The following SFXN1 variants were observed in gnomAD, a reference collection of about 807,000 sequenced individuals.
SFXN1 encodes sideroflexin-1.
A neutral mutation model predicts 39.5 loss-of-function variants in SFXN1; 32 were observed. The observed-to-expected ratio is 0.81, with a 90% CI of 0.61 to 1.09. The LOEUF (loss-of-function observed/expected upper bound fraction) is 1.09. Among genes scored for constraint, SFXN1 ranks in the 50% least tolerant of loss-of-function variants. The probability of loss-of-function intolerance (pLI) is 0.00; values close to 1 mark genes in which losing one functional copy is unlikely to be tolerated. For missense variants in SFXN1, 402 were observed against 407.1 expected, an observed-to-expected ratio of 0.99 and a Z score of 0.11; for synonymous variants, 136 against 146.5, an observed-to-expected ratio of 0.93 and a Z score of 0.52.
intron 4 of SFXN1, 118 bp from the exon 5 acceptor site, chr5:175,511,333 A>G: frequency 3.9e-6 from 3 of 774,064 alleles, no homozygotes; most frequent in Non-Finnish European, 6.5e-6. Context: ...GTTGTTTTGT[A>G]GACTCTTCAT....
At chr5:175,507,183 T>G (rs1180184603) in intron 2 of SFXN1, among the ~76,000 whole-genome samples, 2 of 152,152 alleles carry the variant, frequency 1.3e-5, no homozygotes, top group Non-Finnish European at 2.9e-5. Flanking sequence ...TTGGCCTTCT[T>G]CTGTGTCTGA....
chr5:175,493,717 G>A (rs1488689757), intron 2 of SFXN1, among the ~76,000 whole-genome samples: 1 of 152,172 alleles, frequency 6.6e-6, no homozygotes, highest in Non-Finnish European at 1.5e-5. Flanking sequence ...TGGAGGCAGT[G>A]GTAAAGGACC....
rs370652895 is a variant in SFXN1 at position 175,492,277 on chromosome 5, A to G, written c.164+10A>G. The stretch of plus-strand genomic sequence containing the variant: ...TAGTACATGATTACAGGTAACATTA[A>G]TTATTGTTTTTTGGTTTAATGTATA... On this transcript the variant is annotated intron_variant, in intron 2 of 10. Transcript: ENST00000321442. 3 of 1,598,766 alleles carry G rather than the reference A, an allele frequency of 1.9e-6. No homozygotes were observed. Among genetic ancestry groups the G allele is most frequent in the Non-Finnish European group, 2.6e-6 (3 of 1,174,056 alleles).
At chr5:175,504,767 C>T (rs1049555201) in intron 2 of SFXN1, among the ~76,000 whole-genome samples, 2 of 151,926 alleles carry the variant, frequency 1.3e-5, no homozygotes, top group African/African-American at 4.8e-5. Flanking sequence ...CTTGCTCTGT[C>T]GCCCAGGCTG....
intron 1 of SFXN1, among the ~76,000 whole-genome samples, chr5:175,488,241 C>T (rs1759521320): frequency 6.6e-6 from 1 of 152,182 alleles, no homozygotes; most frequent in Non-Finnish European, 1.5e-5. Context: ...CTCCCATCTC[C>T]CACTTCCTCA....
chr5:175,529,495 A>G lies in SFXN1; in HGVS notation c.*2761A>G, dbSNP rs1021626259. ...TAAGAAAGAACAAATCAAGATTGGCAATCCTTGCCGATCTTTTAGAAATAC... is the reference window on the plus strand; with the variant it reads ...TAAGAAAGAACAAATCAAGATTGGCGATCCTTGCCGATCTTTTAGAAATAC... On this transcript the variant is annotated 3_prime_UTR_variant, in exon 11 of 11. Transcript: ENST00000321442. 3.9e-5 allele frequency: 6 copies of G among 151,930 alleles called. No individual in the cohort carries two copies. Among genetic ancestry groups the G allele is most frequent in the African/African-American group, 9.7e-5 (4 of 41,314 alleles). 9.4% of individuals were successfully genotyped at this position (151,930 alleles called of 1,614,324 possible).
intron 2 of SFXN1, among the ~76,000 whole-genome samples, chr5:175,500,802 A>G (rs747267110): frequency 2.0e-5 from 3 of 152,224 alleles, no homozygotes; most frequent in Non-Finnish European, 4.4e-5. Flanking sequence ...ACAGAAGAGA[A>G]TCCTGAAATA....
At chr5:175,493,608 G>A (rs1448977471) in intron 2 of SFXN1, among the ~76,000 whole-genome samples, 1 of 152,232 alleles carries the variant, frequency 6.6e-6, no homozygotes, top group Non-Finnish European at 1.5e-5. Flanking sequence ...GTAGAAAGCA[G>A]AGAAGTTGAG....
intron 2 of SFXN1, among the ~76,000 whole-genome samples, chr5:175,493,332 C>T (rs1268342703): frequency 6.6e-6 from 1 of 152,096 alleles, no homozygotes; most frequent in Non-Finnish European, 1.5e-5. Flanking sequence ...TTTGCTGACT[C>T]CTGCACTGGG....
Position 175,509,036 on chromosome 5 carries a change from G to A in SFXN1, c.169G>A (p.Gly57Arg). Residue 57 changes from glycine (G) to arginine (R), a missense_variant, in exon 3 of 11, where the codon GGA becomes AGA. Coordinates refer to ENST00000321442, the MANE Select transcript of SFXN1 (RefSeq NM_022754.7). The stretch of plus-strand genomic sequence containing the variant: ...TATTATTTGTTGTTTTCTTAGGCAA[G>A]GAATTGTTCCTCCTGGTCTTACAGA... Reference protein sequence around the residue: ...ARKIVHDYRQGIVPPGLTENE... With the variant: ...ARKIVHDYRQRIVPPGLTENE... The A allele has an allele frequency of 7.5e-6, 12 of 1,603,250 alleles. No individual in the cohort carries two copies. Among genetic ancestry groups the A allele is most frequent in the Non-Finnish European group, 1.0e-5 (12 of 1,174,970 alleles).
chr5:175,504,281 A>G (rs1218819607), intron 2 of SFXN1, among the ~76,000 whole-genome samples: 1 of 151,934 alleles, frequency 6.6e-6, no homozygotes, highest in Non-Finnish European at 1.5e-5. Context: ...TGTAATATGT[A>G]TGAGAATACT....
At chr5:175,508,981 T>C in intron 2 of SFXN1, 51 bp from the exon 3 acceptor site, 3 of 1,540,132 alleles carry the variant, frequency 1.9e-6, no homozygotes, top group Non-Finnish European at 2.6e-6. Flanking sequence ...TCTAGGACAC[T>C]GGGGAGATAT....
chr5:175,487,211 G>C (rs994676239), intron 1 of SFXN1, among the ~76,000 whole-genome samples: 3 of 152,168 alleles, frequency 2.0e-5, no homozygotes, highest in African/African-American at 4.8e-5. Context: ...GCCTTATGCT[G>C]GACCTCCTGG....
In SFXN1 at chr5:175,511,516, C is replaced by T; in HGVS notation, c.500C>T (p.Ala167Val). ...GTAGCAACAGCTCTAGGACTCAATGCATTGACCAAGGTACTCAGATTTTTA... is the reference window on the plus strand; with the variant it reads ...GTAGCAACAGCTCTAGGACTCAATGTATTGACCAAGGTACTCAGATTTTTA... Reference protein sequence around the residue: ...GAVATALGLNALTKHVSPLIG... With the variant: ...GAVATALGLNVLTKHVSPLIG... The change falls in exon 5 of 11, where the codon GCA becomes GTA. Residue 167 changes from alanine (A) to valine (V), a missense_variant. Physicochemically the swap from Ala to Val is moderately conservative, Grantham distance 64. Transcript: ENST00000321442. The T allele has an allele frequency of 6.2e-7, 1 of 1,613,650 alleles. No individual in the cohort carries two copies. The highest frequency in any genetic ancestry group is 1.1e-5 in the South Asian group (1 of 91,058).
intron 2 of SFXN1, among the ~76,000 whole-genome samples, chr5:175,499,435 T>G (rs1759989404): frequency 6.6e-6 from 1 of 152,110 alleles, no homozygotes; most frequent in South Asian, 2.1e-4. Flanking sequence ...TTAACAGAAT[T>G]TAACAAATCT....
At chr5:175,491,897 T>C (rs550914539) in intron 1 of SFXN1, 198 bp from the exon 2 acceptor site, 7 of 458,508 alleles carry the variant, frequency 1.5e-5, no homozygotes, top group Non-Finnish European at 2.7e-5. Context: ...TATTGAAATT[T>C]AGTTAAGATC....
At chr5:175,506,624 A>C (rs1391104079) in intron 2 of SFXN1, among the ~76,000 whole-genome samples, 1 of 152,194 alleles carries the variant, frequency 6.6e-6, no homozygotes, top group Non-Finnish European at 1.5e-5. Context: ...GTATCTTATA[A>C]TCATGTAGGA....
At chr5:175,484,381 G>A (rs138420978) in intron 1 of SFXN1, among the ~76,000 whole-genome samples, 1 of 152,142 alleles carries the variant, frequency 6.6e-6, no homozygotes, top group African/African-American at 2.4e-5. Context: ...CCCTCCCCAC[G>A]ATGGTGCCCG....
chr5:175,499,877 C>T (rs1393331229), intron 2 of SFXN1, among the ~76,000 whole-genome samples: 3 of 152,058 alleles, frequency 2.0e-5, no homozygotes, highest in Non-Finnish European at 2.9e-5. Flanking sequence ...TCACAGAAAA[C>T]GTGATCATCT....
Sources: allele counts gnomAD v4.1 joint callset (sites outside exome capture counted in the v4.1 genomes callset), GRCh38; gene constraint gnomAD v4.1.1; transcripts MANE v1.5; gene names NCBI Gene and HGNC (gene_info 2026-07-23, HGNC 2026-07-21).